Variants in PREP observed in about 807,000 individuals in gnomAD.
PREP encodes the protein dJ355L5.1 (prolyl endopeptidase).
A neutral mutation model predicts 87.6 loss-of-function variants in PREP; 29 were observed. The ratio of observed to expected loss-of-function variants is 0.33; its 90% CI spans 0.25 to 0.45. PREP has a LOEUF of 0.45. Ranked by LOEUF, PREP falls within the 20% of genes least tolerant of loss-of-function variation. PREP has a pLI of 1.00. For missense variants in PREP, 695 were observed against 886.5 expected (o/e 0.78, Z 2.74); for synonymous variants, 337 against 328.6 (o/e 1.03, Z -0.28).
intron 10 of PREP, among the ~76,000 whole-genome samples, chr6:105,296,761 C>A (rs1481283062): frequency 6.6e-6 from 1 of 152,192 alleles, no homozygotes; most frequent in Non-Finnish European, 1.5e-5. Context: ...GGTTCTTCTT[C>A]ATTCCTCGAA....
Position 105,353,033 on chromosome 6 carries a change from T to G in PREP, c.762A>C (p.Gly254=). ...GRYVLLSIRE[G]CDPVNRLWYC... Reference sequence around the variant, plus strand: ...ACCAGAGTCGGTTTACTGGATCACATCCTTCCCTTATTGATAACAAGACAT... The same window carrying G: ...ACCAGAGTCGGTTTACTGGATCACAGCCTTCCCTTATTGATAACAAGACAT... Residue 254 remains glycine (G), a synonymous_variant, in exon 7 of 15, where the codon GGA becomes GGC. Coordinates refer to ENST00000652536, the MANE Select transcript of PREP (RefSeq NM_002726.5). The G allele has an allele frequency of 6.2e-7, 1 of 1,614,044 alleles. No homozygotes were observed. Among genetic ancestry groups the G allele is most frequent in the Non-Finnish European group, 8.5e-7 (1 of 1,179,970 alleles).
At chr6:105,322,871 C>T (rs1033186337) in intron 10 of PREP, 8 of 1,174,790 alleles carry the variant, frequency 6.8e-6, no homozygotes, top group Admixed American at 3.6e-5. Context: ...TATAATAATG[C>T]CCTAGTTTCA....
At chr6:105,314,244 C>A (rs1460915597) in intron 10 of PREP, among the ~76,000 whole-genome samples, 2 of 152,194 alleles carry the variant, frequency 1.3e-5, no homozygotes, top group African/African-American at 4.8e-5. Context: ...ATGTTGATGA[C>A]TGCTGATGAT....
At chr6:105,344,716 T>G (rs997099476) in intron 7 of PREP, among the ~76,000 whole-genome samples, 10 of 152,204 alleles carry the variant, frequency 6.6e-5, no homozygotes, top group African/African-American at 1.9e-4. Context: ...CATTAGGAGA[T>G]ACACCTAATG....
chr6:105,345,849 C>T (rs1464360662), intron 7 of PREP, among the ~76,000 whole-genome samples: 2 of 152,186 alleles, frequency 1.3e-5, no homozygotes, highest in Non-Finnish European at 2.9e-5. Context: ...GTTGAGAAGA[C>T]TGAATGAGAG....
In PREP at chr6:105,352,982, A is replaced by G. The variant is rs776503148; in HGVS notation, c.813T>C (p.Ser271=). Residue 271 remains serine (S), a synonymous_variant, in exon 7 of 15, where the codon AGT becomes AGC. Coordinates refer to ENST00000652536, the MANE Select transcript of PREP (RefSeq NM_002726.5). The part of the protein sequence containing the change: ...LWYCDLQQES[S]GIAGILKWVK... ...GAAAAAATAACTCACCCGCGATGCCACTGGATTCCTGCTGTAGGTCACAGT... is the reference window on the plus strand; with the variant it reads ...GAAAAAATAACTCACCCGCGATGCCGCTGGATTCCTGCTGTAGGTCACAGT... The G allele has an allele frequency of 7.4e-6, 12 of 1,612,870 alleles. No homozygotes were observed. In the South Asian group the frequency reaches 1.1e-4, roughly 15 times the overall value.
intron 4 of PREP, among the ~76,000 whole-genome samples, chr6:105,374,256 T>G (rs1364222822): frequency 6.6e-6 from 1 of 152,192 alleles, no homozygotes. Context: ...TGGCAGAATG[T>G]TCTAATCACT....
At chr6:105,342,164 C>A (rs1440732073) in intron 7 of PREP, among the ~76,000 whole-genome samples, 1 of 152,212 alleles carries the variant, frequency 6.6e-6, no homozygotes, top group African/African-American at 2.4e-5. Context: ...AATCCAGCAG[C>A]ACATCAAAAA....
At chr6:105,340,870 G>C (rs936044024) in intron 7 of PREP, among the ~76,000 whole-genome samples, 1 of 152,146 alleles carries the variant, frequency 6.6e-6, no homozygotes, top group Non-Finnish European at 1.5e-5. Flanking sequence ...CCCAATACAG[G>C]AGCACCCAGA....
At chr6:105,294,700 C>T (rs1181193735) in intron 10 of PREP, among the ~76,000 whole-genome samples, 2 of 152,192 alleles carry the variant, frequency 1.3e-5, no homozygotes, top group African/African-American at 2.4e-5. Context: ...TCACCCATCA[C>T]CTTGGTTATA....
In PREP at chr6:105,399,413, G is replaced by A. The variant is rs143119529; in HGVS notation, c.46-1486C>T. 2.4e-3 allele frequency among the ~76,000 whole-genome samples: 359 copies of A among 152,228 alleles called. 1 individual carries two copies. Among genetic ancestry groups the A allele is most frequent in the African/African-American group, 8.2e-3 (339 of 41,512 alleles). ...CCACATCTGTCCTTGTCTGATGCCA[G>A]GTCAAAGAACTCCTGGGGAAATGCA... On this transcript the variant is annotated intron_variant, in intron 1 of 14. Coordinates refer to ENST00000652536, the MANE Select transcript of PREP (RefSeq NM_002726.5).
chr6:105,386,193 T>C (rs1772991338), intron 2 of PREP, among the ~76,000 whole-genome samples: 1 of 152,222 alleles, frequency 6.6e-6, no homozygotes, highest in Non-Finnish European at 1.5e-5. Context: ...CCTGCCTTTC[T>C]ACCTCTAAAG....
chr6:105,380,015 A>G (rs1346283531), intron 2 of PREP, among the ~76,000 whole-genome samples: 1 of 152,102 alleles, frequency 6.6e-6, no homozygotes, highest in Non-Finnish European at 1.5e-5. Context: ...AGTGCTGAAA[A>G]CCTTTATGGC....
intron 10 of PREP, chr6:105,322,989 G>A: frequency 2.3e-6 from 3 of 1,301,644 alleles, no homozygotes; most frequent in Non-Finnish European, 3.0e-6. Flanking sequence ...CCAGGTGGGA[G>A]GGGCCTTGAT....
chr6:105,351,004 G>A (rs1392903665), intron 7 of PREP, among the ~76,000 whole-genome samples: 4 of 152,094 alleles, frequency 2.6e-5, no homozygotes, highest in African/African-American at 7.2e-5. Context: ...TTTGCCAAAC[G>A]CATCAGTAAA....
In PREP at chr6:105,278,044, T is replaced by C; in HGVS notation, c.*100A>G. ...CTGTAGCCTGTGAGTGCAGGAATAATGTTCCCGTGGGGAAGCATTATGCCC... is the reference window on the plus strand; with the variant it reads ...CTGTAGCCTGTGAGTGCAGGAATAACGTTCCCGTGGGGAAGCATTATGCCC... On this transcript the variant is annotated 3_prime_UTR_variant, in exon 15 of 15. Coordinates refer to ENST00000652536, the MANE Select transcript of PREP (RefSeq NM_002726.5). This position sits in a 1 kb window ranked among gnomAD's most constrained non-coding sequence, Gnocchi z 4.2. The C allele has an allele frequency of 7.0e-7, 1 of 1,426,354 alleles. No homozygotes were observed. Among genetic ancestry groups the C allele is most frequent in the Non-Finnish European group, 9.6e-7 (1 of 1,044,280 alleles). The allele number at this position is 1,426,354 out of a possible 1,614,324, so 88.4% of individuals were successfully genotyped here.
chr6:105,340,903 A>T (rs1214168340), intron 7 of PREP, among the ~76,000 whole-genome samples: 1 of 152,216 alleles, frequency 6.6e-6, no homozygotes, highest in Non-Finnish European at 1.5e-5. Context: ...GTCCTTAGAG[A>T]CCTACGAAGA....
chr6:105,392,460 A>C (rs1447078197), intron 2 of PREP, among the ~76,000 whole-genome samples: 2 of 152,180 alleles, frequency 1.3e-5, no homozygotes, highest in Non-Finnish European at 2.9e-5. Context: ...CTTAAACAGC[A>C]TATTATACTT....
At chr6:105,349,694 CAG>C (rs1771894111) in intron 7 of PREP, among the ~76,000 whole-genome samples, 1 of 151,880 alleles carries the variant, frequency 6.6e-6, no homozygotes. Flanking sequence ...AAAATCCTAG[CAG>C]AAAGGCTTTA....
Sources: gnomAD v4.1 joint callset for allele counts (sites outside exome capture counted in the v4.1 genomes callset) on GRCh38, gnomAD v4.1.1 for gene constraint, Gnocchi (gnomAD v3.1) non-coding constraint, MANE v1.5 for transcripts, NCBI Gene and HGNC (gene_info 2026-07-23, HGNC 2026-07-21) for gene names.